The following WASL variants were observed in gnomAD, a reference collection of about 807,000 sequenced individuals.
WASL encodes the protein WASP like actin nucleation promoting factor.
WASL carries 20 observed loss-of-function variants against 55.5 expected under a neutral mutation model. The observed-to-expected ratio is 0.36, with a 90% CI of 0.25 to 0.52. WASL has a LOEUF of 0.52. Among genes scored for constraint, WASL ranks in the 20% least tolerant of loss-of-function variants. The pLI is 0.92. For synonymous variants in WASL, 249 were observed against 217.6 expected (o/e 1.14, Z -1.27); for missense variants, 504 against 622.5 (o/e 0.81, Z 2.03).
chr7:123,739,518 C>T (rs1426068107), intron 1 of WASL, among the ~76,000 whole-genome samples: 1 of 147,120 alleles, frequency 6.8e-6, no homozygotes, highest in East Asian at 1.9e-4. Context: ...ACTTTCAGTA[C>T]AGTATTCAAC....
chr7:123,689,272 G>T, intron 9 of WASL, 122 bp from the exon 10 acceptor site: 1 of 696,730 alleles, frequency 1.4e-6, no homozygotes, highest in Non-Finnish European at 2.5e-6. Context: ...TATCAAACTG[G>T]CAAGCGCAGG....
chr7:123,718,567 A>AT (rs113577026), intron 1 of WASL, among the ~76,000 whole-genome samples: 74 of 151,436 alleles, frequency 4.9e-4, no homozygotes, highest in South Asian at 2.7e-3. Context: ...TTCATATAAC[A>AT]TTTTTTTTTA....
Position 123,692,408 on chromosome 7 carries a change from A to G in WASL, c.1286T>C (p.Val429Ala). ...LKKVEQNSRP[V>A]SCSGRDALLD... Reference sequence around the variant, plus strand: ...CAGTGCATCTCGTCCAGAGCAGGACACTGGCCGACTGTTCTGCTCCACTTT... The same window carrying G: ...CAGTGCATCTCGTCCAGAGCAGGACGCTGGCCGACTGTTCTGCTCCACTTT... The change falls in exon 9 of 11, where the codon GTG (valine) becomes GCG (alanine). Residue 429 changes from valine to alanine, a missense_variant. Around this residue, in one of 5 missense-constraint regions of WASL, gnomAD observed 201 missense variants for 206.2 expected, o/e 0.97. Transcript: ENST00000223023. 3 of 1,613,812 alleles carry G rather than the reference A, an allele frequency of 1.9e-6. No homozygotes were observed. Among genetic ancestry groups the G allele is most frequent in the Non-Finnish European group, 2.5e-6 (3 of 1,179,992 alleles).
chr7:123,741,860 C>T (rs535437943), intron 1 of WASL, among the ~76,000 whole-genome samples: 2 of 152,230 alleles, frequency 1.3e-5, no homozygotes, highest in East Asian at 3.9e-4. Flanking sequence ...TGTACTTTGG[C>T]CAACGCTTAA....
At position 123,726,168 on chromosome 7, in the gene WASL, G is replaced by C. The variant is rs78124560; in HGVS notation, c.118-16945C>G. Among the ~76,000 whole-genome samples the C allele has an allele frequency of 2.3e-3, 348 of 152,162 alleles. 2 individuals carry two copies. Among genetic ancestry groups the C allele is most frequent in the African/African-American group, 7.9e-3 (328 of 41,514 alleles). ...TATAAGGATGGAAAAACAAATGAATGGGACAGGTCAGACTCCAGAAATAGA... is the reference window on the plus strand; with the variant it reads ...TATAAGGATGGAAAAACAAATGAATCGGACAGGTCAGACTCCAGAAATAGA... On this transcript the variant is annotated intron_variant, in intron 1 of 10. Transcript: ENST00000223023.
At chr7:123,709,947 A>T (rs367660534) in intron 1 of WASL, among the ~76,000 whole-genome samples, 10 of 152,306 alleles carry the variant, frequency 6.6e-5, no homozygotes, top group African/African-American at 2.2e-4. Context: ...ATAGTCCCTA[A>T]ATAGAACCCT....
chr7:123,687,384 A>T (rs1281823262), intron 10 of WASL, among the ~76,000 whole-genome samples: 1 of 151,976 alleles, frequency 6.6e-6, no homozygotes, highest in African/African-American at 2.4e-5. Flanking sequence ...CTTGTATTTC[A>T]TTCCTTACTA....
chr7:123,700,046 C>G (rs1459035244), intron 5 of WASL, among the ~76,000 whole-genome samples: 1 of 151,342 alleles, frequency 6.6e-6, no homozygotes, highest in Non-Finnish European at 1.5e-5. Flanking sequence ...CATGGTGGCG[C>G]GCGCCTGTAG....
intron 1 of WASL, among the ~76,000 whole-genome samples, chr7:123,712,935 G>T (rs370991949): frequency 7.2e-4 from 109 of 152,202 alleles, no homozygotes; most frequent in African/African-American, 2.5e-3. Flanking sequence ...AAGAATTTTA[G>T]ATCAGGAAAA....
At chr7:123,739,419 T>TA (rs1337649326) in intron 1 of WASL, among the ~76,000 whole-genome samples, 4 of 152,238 alleles carry the variant, frequency 2.6e-5, no homozygotes, top group African/African-American at 9.6e-5. Flanking sequence ...TGGTTCCACT[T>TA]ACAATTTTTC....
At chr7:123,715,606 A>G (rs566238430) in intron 1 of WASL, among the ~76,000 whole-genome samples, 1 of 152,208 alleles carries the variant, frequency 6.6e-6, no homozygotes, top group Non-Finnish European at 1.5e-5. Context: ...TACAAATCAT[A>G]AAAGTTTTAG....
Position 123,706,748 on chromosome 7 carries a change from C to G in WASL, c.331G>C (p.Ala111Pro), listed in dbSNP as rs1385369601. 3 of 1,566,728 alleles carry G rather than the reference C, an allele frequency of 1.9e-6. No individual in the cohort carries two copies. The highest frequency in any genetic ancestry group is 1.7e-6 in the Non-Finnish European group (2 of 1,162,446). The change falls in exon 3 of 11, where the codon GCT becomes CCT. Residue 111 changes from alanine to proline, a missense_variant. Transcript: ENST00000223023. ...AGAAAAATATGACTTACATCTCCAG[C>G]AAAGGTATGAAAATATCCTCTAGGA... Reference protein sequence around the residue: ...NSPRGYFHTFAGDTCQVALNF... With the variant: ...NSPRGYFHTFPGDTCQVALNF...
intron 1 of WASL, among the ~76,000 whole-genome samples, chr7:123,731,663 A>G (rs1804138807): frequency 6.6e-6 from 1 of 152,240 alleles, no homozygotes; most frequent in Non-Finnish European, 1.5e-5. Context: ...GAAAATTCGT[A>G]AATATTTCTA....
At chr7:123,724,033 T>C (rs1000772240) in intron 1 of WASL, among the ~76,000 whole-genome samples, 1 of 152,232 alleles carries the variant, frequency 6.6e-6, no homozygotes, top group Non-Finnish European at 1.5e-5. Flanking sequence ...ATCTCAAATT[T>C]ATACCTTGCT....
intron 5 of WASL, among the ~76,000 whole-genome samples, chr7:123,704,406 T>C (rs1339458262): frequency 6.6e-6 from 1 of 152,164 alleles, no homozygotes; most frequent in Non-Finnish European, 1.5e-5. Flanking sequence ...TATCAAAGAA[T>C]ATTGTTTCCT....
At chr7:123,727,352 G>GACACAC (rs1554406235) in intron 1 of WASL, among the ~76,000 whole-genome samples, 1 of 55,454 alleles carries the variant, frequency 1.8e-5, no homozygotes, top group African/African-American at 9.1e-5. Flanking sequence ...AAAAATATGT[G>GACACAC]TCACACACAC....
intron 1 of WASL, among the ~76,000 whole-genome samples, chr7:123,746,117 T>C (rs1804426390): frequency 6.6e-6 from 1 of 152,176 alleles, no homozygotes; most frequent in Admixed American, 6.5e-5. Flanking sequence ...CATTTGCTGT[T>C]ACAAAGCCAA....
intron 1 of WASL, among the ~76,000 whole-genome samples, chr7:123,729,117 G>T (rs1408010032): frequency 1.3e-5 from 2 of 151,980 alleles, no homozygotes; most frequent in East Asian, 3.9e-4. Flanking sequence ...GAAATATAAT[G>T]CAAGCCAATA....
chr7:123,702,949 T>C (rs543822480), intron 5 of WASL, among the ~76,000 whole-genome samples: 87 of 152,344 alleles, frequency 5.7e-4, no homozygotes, highest in African/African-American at 2.0e-3. Flanking sequence ...AGTGTTTCGA[T>C]GGCACCACTA....
Sources: gnomAD v4.1 joint callset for allele counts (sites outside exome capture counted in the v4.1 genomes callset) on GRCh38, gnomAD v4.1.1 for gene constraint, gnomAD v4.1.1 regional missense constraint, MANE v1.5 for transcripts, NCBI Gene and HGNC (gene_info 2026-07-23, HGNC 2026-07-21) for gene names.